Variants in ZEB2 observed in about 807,000 individuals in gnomAD.
The protein encoded by ZEB2 is zinc finger E-box binding homeobox 2.
In ZEB2, 6 loss-of-function variants were observed where a neutral mutation model predicts 99.9. The ratio of observed to expected loss-of-function variants is 0.06; its 90% confidence interval spans 0.03 to 0.12. ZEB2 has a LOEUF of 0.12. Ranked by LOEUF, ZEB2 falls within the 10% of genes least tolerant of loss-of-function variation. The pLI, the probability that ZEB2 is intolerant of heterozygous loss-of-function variation, is 1.00. For missense variants in ZEB2, 969 were observed against 1,502.8 expected (o/e 0.64, Z 5.87); for synonymous variants, 517 against 542.5 (o/e 0.95, Z 0.65).
chr2:144,391,586 T>C (rs372735660), intron 9 of ZEB2, among the ~76,000 whole-genome samples: 1 of 152,202 alleles, frequency 6.6e-6, no homozygotes, highest in Non-Finnish European at 1.5e-5. Flanking sequence ...TCTGCAAAGA[T>C]AGCATGCTTT....
chr2:144,502,558 C>T (rs1704889151), intron 2 of ZEB2, among the ~76,000 whole-genome samples: 1 of 152,180 alleles, frequency 6.6e-6, no homozygotes, highest in Non-Finnish European at 1.5e-5. Context: ...AGCTGCCTCC[C>T]ATGGCTACCT....
At chr2:144,517,180 C>T (rs1705167231) in intron 2 of ZEB2, 98 bp downstream of exon 2, 1 of 1,536,254 alleles carries the variant, frequency 6.5e-7, no homozygotes, top group Non-Finnish European at 9.0e-7. Flanking sequence ...GGCGCCGCCG[C>T]CGCCGCCGCC....
chr2:144,464,040 T>C (rs938935489), intron 2 of ZEB2: 1 of 152,182 alleles, frequency 6.6e-6, no homozygotes, highest in African/African-American at 2.4e-5. Flanking sequence ...CTAATATGTA[T>C]ACAAAACACT....
At chr2:144,415,116 C>T (rs912635596) in intron 4 of ZEB2, among the ~76,000 whole-genome samples, 1 of 150,590 alleles carries the variant, frequency 6.6e-6, no homozygotes, top group Non-Finnish European at 1.5e-5. Flanking sequence ...GCAAAGAGAA[C>T]ACATAAAAGT....
Position 144,401,294 on chromosome 2 carries a change from G to A in ZEB2, c.821C>T (p.Thr274Ile), listed in dbSNP as rs1443908916. The change falls in exon 7 of 10, where the codon ACC becomes ATC. Residue 274 changes from threonine (T) to isoleucine (I), a missense_variant. Physicochemically the swap from Thr to Ile is moderately conservative, Grantham distance 89 (BLOSUM62 -1). Transcript: ENST00000627532. The part of the protein sequence containing the change: ...KPGTDQHQML[T>I]QGAGNRKFKC... ...GAACTTGCGATTACCTGCTCCTTGGGTTAGCATTTGGTGCTATAAAAGGAG... is the reference window on the plus strand; with the variant it reads ...GAACTTGCGATTACCTGCTCCTTGGATTAGCATTTGGTGCTATAAAAGGAG... The A allele has an allele frequency of 6.2e-7, 1 of 1,613,954 alleles. No individual in the cohort carries two copies. Among genetic ancestry groups the A allele is most frequent in the Non-Finnish European group, 8.5e-7 (1 of 1,179,962 alleles).
At chr2:144,515,797 T>TAGAGAGAG (rs10639317) in intron 2 of ZEB2, among the ~76,000 whole-genome samples, 18 of 146,848 alleles carry the variant, frequency 1.2e-4, no homozygotes, top group African/African-American at 2.8e-4. Flanking sequence ...ACACAAAACC[T>TAGAGAGAG]AGAGAGAGAG....
chr2:144,446,838 A>G (rs907947033), intron 2 of ZEB2, among the ~76,000 whole-genome samples: 10 of 151,934 alleles, frequency 6.6e-5, no homozygotes, highest in African/African-American at 2.4e-4. Flanking sequence ...AACATGGTGA[A>G]ACCCCATCTC....
At chr2:144,499,771 T>C (rs981406810) in intron 2 of ZEB2, among the ~76,000 whole-genome samples, 4 of 152,192 alleles carry the variant, frequency 2.6e-5, no homozygotes, top group Admixed American at 2.6e-4. Flanking sequence ...TGGGAGCATT[T>C]CACAGCCAAC....
intron 2 of ZEB2, among the ~76,000 whole-genome samples, chr2:144,445,853 C>T (rs1386136382): frequency 6.6e-6 from 1 of 152,290 alleles, no homozygotes; most frequent in Non-Finnish European, 1.5e-5. Context: ...TTTGGGGAAT[C>T]TCAGAATTAT....
chr2:144,429,311 AG>A (rs1703735519), intron 3 of ZEB2: 1 of 182,664 alleles, frequency 5.5e-6, no homozygotes, highest in African/African-American at 2.4e-5. Flanking sequence ...TTCCAATAGG[AG>A]GTGTCAGACA....
intron 3 of ZEB2, chr2:144,428,192 T>G (rs962638077): frequency 2.0e-5 from 3 of 152,198 alleles, no homozygotes; most frequent in Non-Finnish European, 2.9e-5. Flanking sequence ...TTCATTCTTA[T>G]AGCCCTGCAT....
chr2:144,452,714 T>C (rs1704070626), intron 2 of ZEB2, among the ~76,000 whole-genome samples: 1 of 152,278 alleles, frequency 6.6e-6, no homozygotes, highest in African/African-American at 2.4e-5. Flanking sequence ...CTTTTGTTTT[T>C]CCTTCCAGCC....
intron 4 of ZEB2, among the ~76,000 whole-genome samples, chr2:144,406,659 G>C (rs1263606171): frequency 6.6e-6 from 1 of 152,194 alleles, no homozygotes; most frequent in African/African-American, 2.4e-5. Flanking sequence ...CGGGAGCCAG[G>C]CCATGCAGCA....
intron 2 of ZEB2, among the ~76,000 whole-genome samples, chr2:144,433,894 T>C (rs1703805037): frequency 6.6e-6 from 1 of 152,216 alleles, no homozygotes; most frequent in South Asian, 2.1e-4. Context: ...CGTCCATACC[T>C]GCTGGAAAAT....
intron 2 of ZEB2, among the ~76,000 whole-genome samples, chr2:144,476,532 C>A (rs1704432437): frequency 6.6e-6 from 1 of 152,182 alleles, no homozygotes; most frequent in Non-Finnish European, 1.5e-5. Flanking sequence ...ATCAGGAACA[C>A]TGGGCACCTT....
At chr2:144,471,226 A>T (rs1204366649) in intron 2 of ZEB2, among the ~76,000 whole-genome samples, 2 of 152,172 alleles carry the variant, frequency 1.3e-5, no homozygotes, top group African/African-American at 4.8e-5. Context: ...AAACTTCTAC[A>T]AACCCCCAGA....
intron 2 of ZEB2, among the ~76,000 whole-genome samples, chr2:144,477,736 A>C (rs886392747): frequency 1.3e-5 from 2 of 152,232 alleles, no homozygotes; most frequent in African/African-American, 4.8e-5. Context: ...CTAATAGCTC[A>C]GGATGCTGGG....
intron 2 of ZEB2, chr2:144,463,999 T>C (rs1704235965): frequency 6.6e-6 from 1 of 152,074 alleles, no homozygotes; most frequent in African/African-American, 2.4e-5. Context: ...GAAGGCTTCA[T>C]GGGGAAAGAG....
At chr2:144,460,435 T>C (rs1024366789) in intron 2 of ZEB2, among the ~76,000 whole-genome samples, 2 of 152,120 alleles carry the variant, frequency 1.3e-5, no homozygotes, top group Non-Finnish European at 2.9e-5. Context: ...GCCAGCCTTA[T>C]AAGCATGGGA....
Sources: gnomAD v4.1 joint callset for allele counts (sites outside exome capture counted in the v4.1 genomes callset) on GRCh38, gnomAD v4.1.1 for gene constraint, MANE v1.5 for transcripts, NCBI Gene and HGNC (gene_info 2026-07-23, HGNC 2026-07-21) for gene names.